The following OTUD7A variants were observed in gnomAD, a reference collection of about 807,000 sequenced individuals.
OTUD7A encodes the protein OTU deubiquitinase 7A.
A neutral mutation model predicts 65.7 loss-of-function variants in OTUD7A; 12 were observed. That is an observed-to-expected ratio of 0.18 (90% CI 0.12 to 0.30). The LOEUF (loss-of-function observed/expected upper bound fraction) is 0.30. Ranked by LOEUF, OTUD7A falls within the 10% of genes least tolerant of loss-of-function variation. The pLI is 1.00. For missense variants in OTUD7A, 1,148 were observed against 1,304.8 expected, an observed-to-expected ratio of 0.88 and a Z score of 1.85; for synonymous variants, 641 against 586.3, an observed-to-expected ratio of 1.09 and a Z score of -1.35.
rs765185735 is a variant in OTUD7A, at chr15:31,484,325, A to G, written c.1771T>C (p.Ser591Pro). ...ESGASASTSP[S>P]EKTTPSPTDK... ...GTGGGCGACGGCGTGGTCTTTTCCG[A>G]CGGCGACGTGCTGGCCGACGCACCA... Residue 591 changes from serine to proline, a missense_variant, in exon 13 of 13, where the codon TCG becomes CCG. This residue lies in a region of OTUD7A where 842 missense variants were observed against 769.5 expected (regional missense o/e 1.09). Transcript: ENST00000307050. The surrounding 1 kb of genome is among the most constrained non-coding windows in gnomAD (Gnocchi z 4.5). 1 of 1,598,482 alleles carries G rather than the reference A, an allele frequency of 6.3e-7. No homozygotes were observed. The highest frequency in any genetic ancestry group is 8.5e-7 in the Non-Finnish European group (1 of 1,178,328).
chr15:31,867,083 G>C (rs927569220), intron 1 of OTUD7A, among the ~76,000 whole-genome samples: 3 of 152,092 alleles, frequency 2.0e-5, no homozygotes, highest in African/African-American at 7.2e-5. Context: ...CTAAGCATGG[G>C]AAACACCCAT....
intron 3 of OTUD7A, among the ~76,000 whole-genome samples, chr15:31,639,451 C>G (rs559626664): frequency 1.4e-5 from 2 of 147,200 alleles, no homozygotes; most frequent in African/African-American, 5.2e-5. Flanking sequence ...GTTTTTTAGC[C>G]CTCACTAAGA....
Position 31,484,025 on chromosome 15 carries a change from CGG to C in OTUD7A, c.2069_2070del (p.Ala690GlyfsTer194). The C allele has an allele frequency of 8.1e-7, 1 of 1,232,804 alleles. No homozygotes were observed. The highest frequency in any genetic ancestry group is 4.3e-5 in the Admixed American group (1 of 23,080). 76.4% of individuals were successfully genotyped at this position (1,232,804 alleles called of 1,614,324 possible). ...RRDAATAAAA[A>X]AAAAAATAKR... ...TTGGCCGTGGCGGCGGCGGCGGCGG[CGG>C]CAGCGGCGGCCGCAGTAGCGGCGTC... On this transcript the variant is annotated frameshift_variant, in exon 13 of 13. Coordinates refer to ENST00000307050, the MANE Select transcript of OTUD7A (RefSeq NM_001382637.1). LOFTEE classifies it low-confidence loss of function (END_TRUNC). This position sits in a 1 kb window ranked among gnomAD's most constrained non-coding sequence, Gnocchi z 4.5.
chr15:31,551,081 G>A (rs967800440), intron 5 of OTUD7A, among the ~76,000 whole-genome samples: 1 of 151,850 alleles, frequency 6.6e-6, no homozygotes, highest in African/African-American at 2.4e-5. Flanking sequence ...GTGGTTTGAT[G>A]TAAGCCAGCT....
At chr15:31,634,613 C>A (rs1029456744) in intron 3 of OTUD7A, among the ~76,000 whole-genome samples, 2 of 152,236 alleles carry the variant, frequency 1.3e-5, no homozygotes, top group African/African-American at 4.8e-5. Context: ...CTCAAGGCCT[C>A]CCTTCCTACA....
chr15:31,738,256 G>C (rs532722380), intron 1 of OTUD7A, among the ~76,000 whole-genome samples: 17 of 152,206 alleles, frequency 1.1e-4, no homozygotes, highest in Non-Finnish European at 2.4e-4. Flanking sequence ...TGGAGCTAAT[G>C]ATGAGGATTC....
At chr15:31,560,656 T>A (rs1366112147) in intron 4 of OTUD7A, among the ~76,000 whole-genome samples, 1 of 152,232 alleles carries the variant, frequency 6.6e-6, no homozygotes, top group African/African-American at 2.4e-5. Context: ...TGGTCTCTGG[T>A]GTTTTATTCA....
chr15:31,838,947 G>C lies in OTUD7A; in HGVS notation c.-100+31560C>G, dbSNP rs17684722. ...TCATGACTGAGCCCTTTTCCTTTGA[G>C]ATCCACAAATACCATAACAGATCCG... is the stretch of plus-strand genomic sequence containing the variant. On this transcript the variant is annotated intron_variant, in intron 1 of 12. Coordinates refer to ENST00000307050, the MANE Select transcript of OTUD7A (RefSeq NM_001382637.1). 5.4e-3 allele frequency among the ~76,000 whole-genome samples: 825 copies of C among 152,310 alleles called. 68 individuals are homozygous for C. The East Asian group carries it at 0.14, about 27-fold the overall frequency.
intron 8 of OTUD7A, among the ~76,000 whole-genome samples, chr15:31,524,870 T>C (rs762226375): frequency 5.3e-5 from 8 of 152,206 alleles, no homozygotes; most frequent in Non-Finnish European, 8.8e-5. Flanking sequence ...GTGGCCCCTG[T>C]GTCCCCATTA....
chr15:31,587,787 G>A (rs761408678), intron 3 of OTUD7A, among the ~76,000 whole-genome samples: 2 of 151,906 alleles, frequency 1.3e-5, no homozygotes, highest in Admixed American at 6.6e-5. Flanking sequence ...AAGTGACTTC[G>A]CCTGCTGTCC....
At chr15:31,556,602 T>C (rs1040918930) in intron 5 of OTUD7A, 1 of 152,188 alleles carries the variant, frequency 6.6e-6, no homozygotes, top group Non-Finnish European at 1.5e-5. Context: ...TTGCTAAGCA[T>C]GGTAGGGCTC....
chr15:31,668,865 G>C lies in OTUD7A; in HGVS notation c.-99-11788C>G, dbSNP rs567089900. ...TGTTCCATTGTAGCAGTACTCTCCT[G>C]CTTTTCCTATAACTGTGGCTTCCTG... On this transcript the variant is annotated intron_variant, in intron 1 of 12. Coordinates refer to ENST00000307050, the MANE Select transcript of OTUD7A (RefSeq NM_001382637.1). 3.9e-5 allele frequency among the ~76,000 whole-genome samples: 6 copies of C among 152,284 alleles called. No individual in the cohort carries two copies. The South Asian group carries it at 1.2e-3, about 32-fold the overall frequency.
intron 1 of OTUD7A, among the ~76,000 whole-genome samples, chr15:31,818,506 C>T (rs1896604892): frequency 6.6e-6 from 1 of 152,158 alleles, no homozygotes; most frequent in Non-Finnish European, 1.5e-5. Context: ...CAGCGGCCTC[C>T]CTGTCTTTGA....
intron 8 of OTUD7A, among the ~76,000 whole-genome samples, chr15:31,507,363 G>C (rs187516303): frequency 1.3e-5 from 2 of 151,744 alleles, no homozygotes; most frequent in Non-Finnish European, 2.9e-5. Context: ...TGTTTTTTTT[G>C]TGTGTGTGTG....
chr15:31,698,131 AT>A (rs1893126633), intron 1 of OTUD7A, among the ~76,000 whole-genome samples: 2 of 152,350 alleles, frequency 1.3e-5, no homozygotes, highest in African/African-American at 4.8e-5. Flanking sequence ...GCTAGTGACA[AT>A]TCCATCTTTT....
At chr15:31,740,828 T>C (rs1894322946) in intron 1 of OTUD7A, among the ~76,000 whole-genome samples, 1 of 152,080 alleles carries the variant, frequency 6.6e-6, no homozygotes, top group Admixed American at 6.5e-5. Flanking sequence ...AAGGACAAAA[T>C]TAAAAGGATG....
chr15:31,571,169 T>C (rs935214386), intron 3 of OTUD7A, among the ~76,000 whole-genome samples: 5 of 152,126 alleles, frequency 3.3e-5, no homozygotes, highest in African/African-American at 1.2e-4. Context: ...TTGATGTATG[T>C]ATATATCAAT....
intron 1 of OTUD7A, among the ~76,000 whole-genome samples, chr15:31,782,605 C>A (rs1054540681): frequency 5.9e-5 from 9 of 152,104 alleles, no homozygotes. Context: ...TGAAGGGTGG[C>A]GGCAGCAGTA....
intron 1 of OTUD7A, among the ~76,000 whole-genome samples, chr15:31,825,991 G>T (rs898696332): frequency 6.6e-6 from 1 of 152,182 alleles, no homozygotes. Context: ...GGCTTTGCAG[G>T]GTACAGCCTC....
Sources: gnomAD v4.1 joint callset for allele counts (sites outside exome capture counted in the v4.1 genomes callset) on GRCh38, gnomAD v4.1.1 for gene constraint, gnomAD v4.1.1 regional missense constraint, Gnocchi (gnomAD v3.1) non-coding constraint, MANE v1.5 for transcripts, NCBI Gene and HGNC (gene_info 2026-07-23, HGNC 2026-07-21) for gene names.